ARHGEF28: variants seen among roughly 807,000 people sequenced by gnomAD.
ARHGEF28 encodes the protein 190 kDa guanine nucleotide exchange factor.
ARHGEF28 carries 152 observed loss-of-function variants against 206.6 expected under a neutral mutation model. The observed-to-expected ratio is 0.74, with a 90% CI of 0.64 to 0.84. ARHGEF28 has a LOEUF of 0.84. Among genes scored for constraint, ARHGEF28 ranks in the 40% least tolerant of loss-of-function variants. The pLI is 0.00. For synonymous variants in ARHGEF28, 763 were observed against 776.4 expected, an observed-to-expected ratio of 0.98 and a Z score of 0.29; for missense variants, 2,028 against 2,073.2, an observed-to-expected ratio of 0.98 and a Z score of 0.42.
intron 21 of ARHGEF28, among the ~76,000 whole-genome samples, chr5:73,870,972 C>T (rs1477262162): frequency 3.3e-5 from 5 of 152,176 alleles, no homozygotes; most frequent in Non-Finnish European, 1.5e-5. Context: ...ACCTTGTCAT[C>T]TGCATCAGGT....
chr5:73,909,268 G>GTTTTAGGCA lies in ARHGEF28; in HGVS notation c.4162-144_4162-143insTTTTAGGCA, dbSNP rs542570805. The GTTTTAGGCA allele has an allele frequency of 3.1e-4, 388 of 1,247,436 alleles. 3 individuals are homozygous for GTTTTAGGCA. The African/African-American group carries it at 4.8e-3, about 15-fold the overall frequency. 77.3% of individuals were successfully genotyped at this position (1,247,436 alleles called of 1,614,324 possible). Reference sequence around the variant, plus strand: ...TGGAACGCCAAAAACCTTGCCTTTGGAGGTAACTTAGAAAAAGGCCAGAAA... The same window carrying GTTTTAGGCA: ...TGGAACGCCAAAAACCTTGCCTTTGGTTTTAGGCAAGGTAACTTAGAAAAAGGCCAGAAA... On this transcript the variant is annotated intron_variant, in intron 33 of 35. Coordinates refer to ENST00000513042, the MANE Select transcript of ARHGEF28 (RefSeq NM_001177693.2).
At chr5:73,732,326 T>C (rs77141417) in intron 2 of ARHGEF28, among the ~76,000 whole-genome samples, 1,861 of 152,218 alleles carry the variant, frequency 0.012, 50 homozygotes, top group African/African-American at 0.042. Flanking sequence ...GTATGTAACT[T>C]GTTCAGATCA....
chr5:73,800,987 A>C (rs989290744), intron 9 of ARHGEF28, among the ~76,000 whole-genome samples: 9 of 151,544 alleles, frequency 5.9e-5, no homozygotes, highest in African/African-American at 2.2e-4. Flanking sequence ...GCTGGGGGGA[A>C]ATGGTGCAGT....
intron 1 of ARHGEF28, among the ~76,000 whole-genome samples, chr5:73,629,658 A>G (rs1208693902): frequency 6.6e-6 from 1 of 152,136 alleles, no homozygotes; most frequent in Non-Finnish European, 1.5e-5. Flanking sequence ...TTGTAACATT[A>G]TTGCTCCTGG....
chr5:73,852,768 A>C lies in ARHGEF28; in HGVS notation c.1790+76A>C, dbSNP rs573399542. 31 of 1,468,604 alleles carry C rather than the reference A, an allele frequency of 2.1e-5. No homozygotes were observed. In the East Asian group the frequency reaches 6.3e-4, roughly 30 times the overall value. The allele number at this position is 1,468,604 out of a possible 1,614,324, so 91.0% of individuals were successfully genotyped here. ...GAAATGTCCACACATCATTTTTGCT[A>C]TCTGTTCACTAGTTCATGAGAGGTT... is the stretch of plus-strand genomic sequence containing the variant. On this transcript the variant is annotated intron_variant, in intron 14 of 35. Coordinates refer to ENST00000513042, the MANE Select transcript of ARHGEF28 (RefSeq NM_001177693.2).
intron 14 of ARHGEF28, among the ~76,000 whole-genome samples, chr5:73,854,532 C>A (rs1758895960): frequency 6.6e-6 from 1 of 152,142 alleles, no homozygotes; most frequent in African/African-American, 2.4e-5. Flanking sequence ...ATAGCAGGAA[C>A]TTCTTTCAGC....
At chr5:73,639,960 G>A (rs933045119) in intron 1 of ARHGEF28, among the ~76,000 whole-genome samples, 2 of 152,230 alleles carry the variant, frequency 1.3e-5, no homozygotes, top group Admixed American at 6.5e-5. Flanking sequence ...TGTAGTAAGT[G>A]TTGCTTTTTA....
intron 11 of ARHGEF28, among the ~76,000 whole-genome samples, chr5:73,845,311 C>T (rs1758266666): frequency 6.6e-6 from 1 of 152,124 alleles, no homozygotes; most frequent in African/African-American, 2.4e-5. Flanking sequence ...CCACTGCGCC[C>T]AGCCTCAGAA....
intron 7 of ARHGEF28, among the ~76,000 whole-genome samples, chr5:73,782,731 AG>A (rs1291419649): frequency 1.3e-5 from 2 of 152,198 alleles, no homozygotes; most frequent in African/African-American, 4.8e-5. Context: ...GAAGACCTGT[AG>A]GAGAAAGCTC....
intron 35 of ARHGEF28, among the ~76,000 whole-genome samples, chr5:73,918,510 T>C (rs963069557): frequency 1.3e-5 from 2 of 152,266 alleles, no homozygotes; most frequent in East Asian, 3.8e-4. Flanking sequence ...GAATTCATGA[T>C]CTCATTTGCT....
chr5:73,799,397 T>C (rs1416720258), intron 9 of ARHGEF28, among the ~76,000 whole-genome samples: 2 of 152,182 alleles, frequency 1.3e-5, no homozygotes, highest in Non-Finnish European at 2.9e-5. Context: ...TCTGAAAAAA[T>C]AAAGCTATGT....
At position 73,661,292 on chromosome 5, in the gene ARHGEF28, A is replaced by G. The variant is rs192883220; in HGVS notation, c.-11-23549A>G. ...AGCTTCTTTACCTCTCTTAGCCTTC[A>G]TACAATGGAAGAGTTAGGGCTTTGC... On this transcript the variant is annotated intron_variant, in intron 1 of 35. Coordinates refer to ENST00000513042, the MANE Select transcript of ARHGEF28 (RefSeq NM_001177693.2). Among the ~76,000 whole-genome samples the G allele has an allele frequency of 5.0e-3, 756 of 152,248 alleles. 6 individuals carry two copies. The highest frequency in any genetic ancestry group is 0.018 in the African/African-American group (740 of 41,550).
At chr5:73,859,779 G>T (rs1759276095) in intron 16 of ARHGEF28, among the ~76,000 whole-genome samples, 1 of 152,136 alleles carries the variant, frequency 6.6e-6, no homozygotes, top group South Asian at 2.1e-4. Context: ...TTCCACCCTT[G>T]TGGGTGGACT....
At chr5:73,852,325 TAGTGA>T (rs1758756007) in intron 13 of ARHGEF28, among the ~76,000 whole-genome samples, 1 of 152,230 alleles carries the variant, frequency 6.6e-6, no homozygotes, top group South Asian at 2.1e-4. Context: ...GGGATGACTC[TAGTGA>T]AAAGTATCCA....
intron 9 of ARHGEF28, among the ~76,000 whole-genome samples, chr5:73,820,383 A>C (rs1265904116): frequency 1.3e-5 from 2 of 152,014 alleles, no homozygotes; most frequent in Admixed American, 6.6e-5. Context: ...AGTGGAGGTT[A>C]ATGGGGGGTG....
At chr5:73,932,800 CTTTTTT>C (rs386404110) in intron 35 of ARHGEF28, among the ~76,000 whole-genome samples, 6 of 73,436 alleles carry the variant, frequency 8.2e-5, no homozygotes, top group African/African-American at 2.2e-4. Flanking sequence ...TTTCCTATTT[CTTTTTT>C]TTTTTTTTTT....
chr5:73,711,151 T>C (rs973956666), intron 2 of ARHGEF28, among the ~76,000 whole-genome samples: 6 of 152,212 alleles, frequency 3.9e-5, no homozygotes, highest in African/African-American at 1.4e-4. Context: ...TTTATTAATA[T>C]ATGTACATTT....
intron 1 of ARHGEF28, among the ~76,000 whole-genome samples, chr5:73,642,633 G>T (rs1256534141): frequency 6.6e-6 from 1 of 151,778 alleles, no homozygotes; most frequent in African/African-American, 2.4e-5. Flanking sequence ...CACTGAGCTT[G>T]TTCTTTATCG....
chr5:73,875,914 G>A (rs1260597729), intron 22 of ARHGEF28, among the ~76,000 whole-genome samples: 2 of 151,980 alleles, frequency 1.3e-5, no homozygotes, highest in Admixed American at 6.6e-5. Flanking sequence ...CTCTTTTTTG[G>A]TTCCATATGA....
Sources: gnomAD v4.1 joint callset for allele counts (sites outside exome capture counted in the v4.1 genomes callset) on GRCh38, gnomAD v4.1.1 for gene constraint, MANE v1.5 for transcripts, NCBI Gene and HGNC (gene_info 2026-07-23, HGNC 2026-07-21) for gene names.